The following FLRT2 variants were observed in gnomAD, a reference collection of about 807,000 sequenced individuals.
The protein encoded by FLRT2 is leucine-rich repeat transmembrane protein FLRT2.
Under a neutral mutation model 40.0 loss-of-function variants are expected in FLRT2, and 15 were observed. That is an observed-to-expected ratio of 0.38 (90% CI 0.25 to 0.58). FLRT2 has a LOEUF of 0.58. Ranked by LOEUF, FLRT2 falls within the 20% of genes least tolerant of loss-of-function variation. FLRT2 has a pLI of 0.71. For synonymous variants in FLRT2, 380 were observed against 336.8 expected (o/e 1.13, Z -1.41); for missense variants, 726 against 840.0 (o/e 0.86, Z 1.68).
chr14:85,541,844 C>T (rs968071481), intron 1 of FLRT2, among the ~76,000 whole-genome samples: 1 of 152,174 alleles, frequency 6.6e-6, no homozygotes, highest in Admixed American at 6.5e-5. Flanking sequence ...ATGTGTCCTT[C>T]TGCCGATGAC....
intron 1 of FLRT2, among the ~76,000 whole-genome samples, chr14:85,537,837 C>T (rs185143890): frequency 1.1e-5 from 1 of 90,594 alleles, no homozygotes; most frequent in Non-Finnish European, 2.3e-5. Flanking sequence ...TTAGAACCTT[C>T]ATGTTTTGTT....
chr14:85,607,153 T>C (rs1892659830), intron 1 of FLRT2, among the ~76,000 whole-genome samples: 1 of 151,944 alleles, frequency 6.6e-6, no homozygotes, highest in South Asian at 2.1e-4. Flanking sequence ...GGGTTATAGA[T>C]GATTGCGTTT....
chr14:85,625,462 G>A lies in FLRT2; in HGVS notation c.*1965G>A, dbSNP rs966915882. ...TAATCTCCCTTGTCCCTCAGAATAA[G>A]CAGAAAATATAACTGCAGCTGTATG... is the stretch of plus-strand genomic sequence containing the variant. On this transcript the variant is annotated 3_prime_UTR_variant, in exon 2 of 2. Coordinates refer to ENST00000330753, the MANE Select transcript of FLRT2 (RefSeq NM_013231.6). 4.2e-4 allele frequency: 70 copies of A among 167,002 alleles called. No individual in the cohort carries two copies. The highest frequency in any genetic ancestry group is 1.6e-3 in the African/African-American group (68 of 41,564). 10.3% of individuals were successfully genotyped at this position (167,002 alleles called of 1,614,324 possible).
At position 85,635,028 on chromosome 14, in the gene FLRT2, T is replaced by G. The variant is rs575712585; in HGVS notation, c.*11531T>G. 2 of 152,280 alleles carry G rather than the reference T, an allele frequency of 1.3e-5. No homozygotes were observed. The highest frequency in any genetic ancestry group is 4.1e-4 in the South Asian group (2 of 4,826). 9.4% of individuals were successfully genotyped at this position (152,280 alleles called of 1,614,324 possible). On this transcript the variant is annotated 3_prime_UTR_variant, in exon 2 of 2. Coordinates refer to ENST00000330753, the MANE Select transcript of FLRT2 (RefSeq NM_013231.6). ...AAAATTCAGGAAGATGTGACTAGGA[T>G]AGATAAAGCAAACATATAAACACTC...
chr14:85,534,492 C>T (rs962428296), intron 1 of FLRT2, among the ~76,000 whole-genome samples: 6 of 152,132 alleles, frequency 3.9e-5, no homozygotes, highest in Admixed American at 1.3e-4. Flanking sequence ...TCCTCCTTCC[C>T]TCCCTTCACC....
chr14:85,534,325 T>A (rs556903317), intron 1 of FLRT2, among the ~76,000 whole-genome samples: 3 of 151,948 alleles, frequency 2.0e-5, no homozygotes, highest in African/African-American at 7.2e-5. Flanking sequence ...TACCGCACGC[T>A]CCCCCCTTCA....
chr14:85,592,798 A>AAAAG (rs1891955481), intron 1 of FLRT2, among the ~76,000 whole-genome samples: 2 of 102,794 alleles, frequency 1.9e-5, no homozygotes, highest in African/African-American at 3.8e-5. Flanking sequence ...TCAAAAAAAA[A>AAAAG]AAAAAAAAAG....
At chr14:85,572,491 T>G (rs1890939654) in intron 1 of FLRT2, among the ~76,000 whole-genome samples, 1 of 152,230 alleles carries the variant, frequency 6.6e-6, no homozygotes. Flanking sequence ...TTGTACTGTC[T>G]GCATAATTAT....
At chr14:85,579,190 A>G (rs543185313) in intron 1 of FLRT2, among the ~76,000 whole-genome samples, 1 of 152,192 alleles carries the variant, frequency 6.6e-6, no homozygotes, top group South Asian at 2.1e-4. Context: ...TGGGCTGGTG[A>G]GAGTGGGAGG....
Position 85,637,848 on chromosome 14 carries a change from A to C in FLRT2, c.*14351A>C, listed in dbSNP as rs572243655. 6.6e-6 allele frequency: 1 copy of C among 152,352 alleles called. No homozygotes were observed. The highest frequency in any genetic ancestry group is 2.1e-4 in the South Asian group (1 of 4,832). The allele number at this position is 152,352 out of a possible 1,614,324, so 9.4% of individuals were successfully genotyped here. A position where few individuals can be genotyped will look rare whatever the true frequency, so the allele number is the denominator to read the frequency against. ...ATTTTTCATGTTGTAATCACCCACCAGTGGTAATAATAGGGTTAATTATAT... is the reference window on the plus strand; with the variant it reads ...ATTTTTCATGTTGTAATCACCCACCCGTGGTAATAATAGGGTTAATTATAT... On this transcript the variant is annotated 3_prime_UTR_variant, in exon 2 of 2. Coordinates refer to ENST00000330753, the MANE Select transcript of FLRT2 (RefSeq NM_013231.6).
intron 1 of FLRT2, among the ~76,000 whole-genome samples, chr14:85,604,683 T>C (rs1004572599): frequency 2.0e-5 from 3 of 152,106 alleles, no homozygotes; most frequent in Non-Finnish European, 4.4e-5. Flanking sequence ...GTTGTTCTTA[T>C]TGTTTTTGAA....
At chr14:85,531,336 T>G (rs1254556982) in intron 1 of FLRT2, 1 of 152,466 alleles carries the variant, frequency 6.6e-6, no homozygotes, top group Admixed American at 6.5e-5. Context: ...CCTTGCCAGC[T>G]GTTACCAAGT....
At chr14:85,608,684 A>G (rs1284547465) in intron 1 of FLRT2, among the ~76,000 whole-genome samples, 4 of 152,210 alleles carry the variant, frequency 2.6e-5, no homozygotes, top group Non-Finnish European at 5.9e-5. Context: ...TTCCACCCTG[A>G]AGATATGCTT....
rs35764416 is a variant in FLRT2, at chr14:85,636,390, G to GAAAAAAAAAAAAAAAAAAAAAAAAAAAAA, written c.*12911_*12912insAAAAAAAAAAAAAAAAAAAAAAAAAAAAA. The GAAAAAAAAAAAAAAAAAAAAAAAAAAAAA allele has an allele frequency of 1.3e-5, 1 of 75,318 alleles. No homozygotes were observed. The highest frequency in any genetic ancestry group is 5.0e-5 in the African/African-American group (1 of 19,920). 4.7% of individuals were successfully genotyped at this position (75,318 alleles called of 1,614,324 possible). A position where few individuals can be genotyped will look rare whatever the true frequency, so the allele number is the denominator to read the frequency against. On this transcript the variant is annotated 3_prime_UTR_variant, in exon 2 of 2. Coordinates refer to ENST00000330753, the MANE Select transcript of FLRT2 (RefSeq NM_013231.6). ...AAAATCAAAGGTGAAGTCACCTGCA[G>GAAAAAAAAAAAAAAAAAAAAAAAAAAAAA]AAAAAAAAAAAAAAAAAACAAAAAA...
chr14:85,619,376 C>T (rs942014347), intron 1 of FLRT2, among the ~76,000 whole-genome samples: 6 of 152,134 alleles, frequency 3.9e-5, no homozygotes, highest in Non-Finnish European at 8.8e-5. Context: ...TAAGCCACCA[C>T]ATGAAATCAA....
chr14:85,582,796 G>A (rs912258818), intron 1 of FLRT2, among the ~76,000 whole-genome samples: 1 of 151,908 alleles, frequency 6.6e-6, no homozygotes, highest in African/African-American at 2.4e-5. Context: ...TAGGATGACA[G>A]CACCTAATTT....
intron 1 of FLRT2, among the ~76,000 whole-genome samples, chr14:85,534,086 A>G (rs1004209222): frequency 1.3e-5 from 2 of 152,156 alleles, no homozygotes; most frequent in Non-Finnish European, 2.9e-5. Flanking sequence ...GGTCTGGCAG[A>G]AAGTAAGAGG....
At position 85,625,723 on chromosome 14, in the gene FLRT2, T is replaced by C. The variant is rs1392039250; in HGVS notation, c.*2226T>C. 1 of 167,130 alleles carries C rather than the reference T, an allele frequency of 6.0e-6. No homozygotes were observed. Among genetic ancestry groups the C allele is most frequent in the African/African-American group, 2.4e-5 (1 of 41,470 alleles). 10.4% of individuals were successfully genotyped at this position (167,130 alleles called of 1,614,324 possible). Reference sequence around the variant, plus strand: ...ACAATGACATGGGGGCTTTGTGTACTTAGCTGGATAATTCCCTTCTACTGT... The same window carrying C: ...ACAATGACATGGGGGCTTTGTGTACCTAGCTGGATAATTCCCTTCTACTGT... On this transcript the variant is annotated 3_prime_UTR_variant, in exon 2 of 2. Transcript: ENST00000330753.
intron 1 of FLRT2, among the ~76,000 whole-genome samples, chr14:85,591,674 C>T (rs1221138098): frequency 2.0e-5 from 3 of 152,174 alleles, no homozygotes; most frequent in Non-Finnish European, 2.9e-5. Flanking sequence ...CTGGGAATCC[C>T]ATCACCTCAA....
Sources: allele counts gnomAD v4.1 joint callset (sites outside exome capture counted in the v4.1 genomes callset), GRCh38; gene constraint gnomAD v4.1.1; transcripts MANE v1.5; gene names NCBI Gene and HGNC (gene_info 2026-07-23, HGNC 2026-07-21).